PDSS2: variants seen among roughly 807,000 people sequenced by gnomAD.
PDSS2 encodes the protein decaprenyl diphosphate synthase subunit 2, also known as all trans-polyprenyl-diphosphate synthase PDSS2.
Under a neutral mutation model 44.5 loss-of-function variants are expected in PDSS2, and 31 were observed. That is an observed-to-expected ratio of 0.70 (90% CI 0.52 to 0.94). The LOEUF is 0.94. Among genes scored for constraint, PDSS2 ranks in the 40% least tolerant of loss-of-function variants. The probability of loss-of-function intolerance (pLI) is 0.00; values close to 1 mark genes in which losing one functional copy is unlikely to be tolerated. For missense variants in PDSS2, 452 were observed against 482.2 expected, an observed-to-expected ratio of 0.94 and a Z score of 0.59; for synonymous variants, 157 against 180.3, an observed-to-expected ratio of 0.87 and a Z score of 1.03.
chr6:107,435,341 G>C, intron 1 of PDSS2, among the ~76,000 whole-genome samples: 1 of 148,718 alleles, frequency 6.7e-6, no homozygotes, highest in Admixed American at 6.7e-5. Flanking sequence ...CGATTAAAAT[G>C]ACCTCCTTTT....
In PDSS2 at chr6:107,204,675, G is replaced by A. The variant is rs185628935; in HGVS notation, c.1008+5764C>T. 1.2e-3 allele frequency among the ~76,000 whole-genome samples: 189 copies of A among 152,076 alleles called. 1 individual carries two copies. Among genetic ancestry groups the A allele is most frequent in the Admixed American group, 2.1e-3 (32 of 15,274 alleles). ...GACTATCTCACATATTATTAATACC[G>A]ACTTCATAAACCTCTTTCTTGACTT... On this transcript the variant is annotated intron_variant, in intron 6 of 7. Transcript: ENST00000369037.
intron 1 of PDSS2, among the ~76,000 whole-genome samples, chr6:107,382,863 A>G (rs2114474899): frequency 6.6e-6 from 1 of 152,198 alleles, no homozygotes. Context: ...AAAACCTTAA[A>G]TTTATGGTCA....
chr6:107,362,851 T>C (rs1778822871), intron 1 of PDSS2, among the ~76,000 whole-genome samples: 1 of 151,996 alleles, frequency 6.6e-6, no homozygotes, highest in Admixed American at 6.6e-5. Context: ...AGAAATCAAA[T>C]GGAAATTCTG....
intron 4 of PDSS2, among the ~76,000 whole-genome samples, chr6:107,228,711 TAAATAAATAAACAAACAAAC>T (rs1773924175): frequency 8.1e-6 from 1 of 122,952 alleles, no homozygotes; most frequent in Admixed American, 8.6e-5. Flanking sequence ...AATAAATAAA[TAAATAAATAAACAAACAAAC>T]AAACAAACAA....
chr6:107,216,802 G>T (rs1048780805), intron 4 of PDSS2, among the ~76,000 whole-genome samples: 1 of 151,938 alleles, frequency 6.6e-6, no homozygotes, highest in Non-Finnish European at 1.5e-5. Flanking sequence ...GGGTGGAGAG[G>T]GACAGCAAAT....
intron 4 of PDSS2, among the ~76,000 whole-genome samples, chr6:107,240,674 A>C (rs62430062): frequency 0.11 from 16,658 of 151,892 alleles, 1,017 homozygotes; most frequent in South Asian, 0.2. Flanking sequence ...CTGGGATTAC[A>C]GGCGTGAGCC....
At chr6:107,176,551 T>G (rs911024611) in intron 7 of PDSS2, among the ~76,000 whole-genome samples, 1 of 152,160 alleles carries the variant, frequency 6.6e-6, no homozygotes, top group African/African-American at 2.4e-5. Context: ...ATGGCTATTA[T>G]GCTTAGTCTG....
intron 2 of PDSS2, among the ~76,000 whole-genome samples, chr6:107,281,818 C>A (rs535880361): frequency 3.3e-4 from 51 of 152,280 alleles, no homozygotes; most frequent in Admixed American, 1.3e-3. Context: ...CCTTCCCTCA[C>A]GACACTGTAA....
At chr6:107,206,968 G>C (rs536980880) in intron 6 of PDSS2, among the ~76,000 whole-genome samples, 141 of 151,822 alleles carry the variant, frequency 9.3e-4, no homozygotes, top group African/African-American at 3.3e-3. Flanking sequence ...GGTAGTATGG[G>C]TAATTCAAAG....
intron 4 of PDSS2, among the ~76,000 whole-genome samples, chr6:107,226,225 C>T (rs752761705): frequency 5.9e-5 from 9 of 152,146 alleles, no homozygotes; most frequent in Non-Finnish European, 1.2e-4. Flanking sequence ...AGGAGAATAG[C>T]GTGAACCTGG....
At chr6:107,193,690 G>A in intron 7 of PDSS2, 132 bp downstream of exon 7, 1 of 721,146 alleles carries the variant, frequency 1.4e-6, no homozygotes, top group Non-Finnish European at 2.6e-6. Flanking sequence ...CATGCTATTG[G>A]CCTGTTACTT....
chr6:107,447,177 CA>C (rs1232207910), intron 1 of PDSS2, among the ~76,000 whole-genome samples: 1 of 150,992 alleles, frequency 6.6e-6, no homozygotes, highest in Admixed American at 6.6e-5. Context: ...ATTAAAAATA[CA>C]AAAAAAAATT....
chr6:107,203,239 G>A lies in PDSS2; in HGVS notation c.1008+7200C>T, dbSNP rs547945174. On this transcript the variant is annotated intron_variant, in intron 6 of 7. Transcript: ENST00000369037. ...ACTTAACTTTCCTATTTCTATTAAT[G>A]GCTTAATTTTTTCTGTTATCCTAGT... is the stretch of plus-strand genomic sequence containing the variant. 3.3e-5 allele frequency among the ~76,000 whole-genome samples: 5 copies of A among 152,192 alleles called. No homozygotes were observed. The East Asian group carries it at 9.6e-4, about 29-fold the overall frequency.
chr6:107,202,359 C>T (rs1000047114), intron 6 of PDSS2, among the ~76,000 whole-genome samples: 1 of 151,800 alleles, frequency 6.6e-6, no homozygotes, highest in Non-Finnish European at 1.5e-5. Flanking sequence ...ATTTAAAATA[C>T]AGTTCAGGCT....
In PDSS2 at chr6:107,429,902, ATATATATATATATATATATATAT is replaced by A. The variant is rs1385529974; in HGVS notation, c.296+29065_296+29087del. Among the ~76,000 whole-genome samples, 98 of 44,670 alleles carry A rather than the reference ATATATATATATATATATATATAT, an allele frequency of 2.2e-3. 5 individuals are homozygous for A. Among genetic ancestry groups the A allele is most frequent in the African/African-American group, 7.6e-3 (95 of 12,508 alleles). The allele number at this position is 44,670 out of a possible 152,430, so 29.3% of individuals were successfully genotyped here. On this transcript the variant is annotated intron_variant, in intron 1 of 7. Coordinates refer to ENST00000369037, the MANE Select transcript of PDSS2 (RefSeq NM_020381.4). The stretch of plus-strand genomic sequence containing the variant: ...TTAGTCTCAAAAAAAAAAAAAAAAA[ATATATATATATATATATATATAT>A]ATATATATATATACACCAAACCCAG...
intron 2 of PDSS2, among the ~76,000 whole-genome samples, chr6:107,328,345 A>T (rs777121748): frequency 1.3e-5 from 2 of 152,198 alleles, no homozygotes; most frequent in Non-Finnish European, 2.9e-5. Flanking sequence ...ACCAATATAC[A>T]TATTTCTTCC....
intron 1 of PDSS2, among the ~76,000 whole-genome samples, chr6:107,354,806 T>C (rs1238947962): frequency 2.6e-5 from 4 of 152,268 alleles, no homozygotes; most frequent in Non-Finnish European, 5.9e-5. Context: ...TTAAATTATA[T>C]AAATAGCCAT....
chr6:107,289,124 G>A (rs563893666), intron 2 of PDSS2, among the ~76,000 whole-genome samples: 2 of 149,932 alleles, frequency 1.3e-5, no homozygotes, highest in South Asian at 2.2e-4. Context: ...TGTAATACCA[G>A]CATTTTGGGA....
chr6:107,199,963 C>A (rs950098946), intron 6 of PDSS2, among the ~76,000 whole-genome samples: 2 of 152,012 alleles, frequency 1.3e-5, no homozygotes, highest in Non-Finnish European at 2.9e-5. Flanking sequence ...AAGAAGGGAA[C>A]CTAAGCTTCC....
Sources: gnomAD v4.1 joint callset for allele counts (sites outside exome capture counted in the v4.1 genomes callset) on GRCh38, gnomAD v4.1.1 for gene constraint, MANE v1.5 for transcripts, NCBI Gene and HGNC (gene_info 2026-07-23, HGNC 2026-07-21) for gene names.